EPHA3: variants seen among roughly 807,000 people sequenced by gnomAD.
The protein encoded by EPHA3 is EPH receptor A3.
EPHA3 carries 42 observed loss-of-function variants against 107.1 expected under a neutral mutation model. The ratio of observed to expected loss-of-function variants is 0.39; its 90% CI spans 0.31 to 0.51. EPHA3 has a LOEUF of 0.51. Among genes scored for constraint, EPHA3 ranks in the 20% least tolerant of loss-of-function variants. The pLI is 0.78. For synonymous variants in EPHA3, 461 were observed against 424.8 expected (o/e 1.09, Z -1.05); for missense variants, 1,183 against 1,211.2 (o/e 0.98, Z 0.35).
chr3:89,420,087 T>C (rs1709327367), intron 11 of EPHA3, among the ~76,000 whole-genome samples: 1 of 151,424 alleles, frequency 6.6e-6, no homozygotes, highest in African/African-American at 2.4e-5. Context: ...CCAATCCCTA[T>C]ATAAGTCTCT....
intron 11 of EPHA3, among the ~76,000 whole-genome samples, chr3:89,427,532 A>G (rs1257425061): frequency 4.6e-5 from 7 of 151,906 alleles, no homozygotes; most frequent in Non-Finnish European, 7.4e-5. Flanking sequence ...TACTCAACTC[A>G]CGTCTTCTGG....
chr3:89,150,997 A>G (rs894079290), intron 2 of EPHA3, among the ~76,000 whole-genome samples: 3 of 152,036 alleles, frequency 2.0e-5, no homozygotes, highest in African/African-American at 4.8e-5. Context: ...GACAATACAG[A>G]CAAGTTCTAA....
Position 89,419,382 on chromosome 3 carries a change from T to C in EPHA3, c.2066T>C (p.Val689Ala), listed in dbSNP as rs139451236. Residue 689 changes from valine to alanine, a missense_variant, in exon 11 of 17, where the codon GTT becomes GCT. Coordinates refer to ENST00000336596, the MANE Select transcript of EPHA3 (RefSeq NM_005233.6). ...HPNIIRLEGV[V>A]TKSKPVMIVT... ...AATATCATTCGACTGGAAGGAGTTG[T>C]TACCAAAAGTAAGTAAAGTAGTCAT... The C allele has an allele frequency of 6.3e-7, 1 of 1,587,860 alleles. No individual in the cohort carries two copies. Among genetic ancestry groups the C allele is most frequent in the Non-Finnish European group, 8.6e-7 (1 of 1,168,232 alleles).
At chr3:89,280,565 G>A (rs554334680) in intron 3 of EPHA3, among the ~76,000 whole-genome samples, 6 of 152,246 alleles carry the variant, frequency 3.9e-5, no homozygotes, top group Non-Finnish European at 8.8e-5. Flanking sequence ...AGAGAGTCAC[G>A]TGTGGTATAA....
At chr3:89,271,588 C>T (rs1339842772) in intron 3 of EPHA3, among the ~76,000 whole-genome samples, 5 of 151,722 alleles carry the variant, frequency 3.3e-5, no homozygotes, top group South Asian at 2.1e-4. Context: ...TAAAACAAAA[C>T]GTATACTGTT....
intron 3 of EPHA3, among the ~76,000 whole-genome samples, chr3:89,241,922 G>A (rs1704905526): frequency 6.6e-6 from 1 of 152,044 alleles, no homozygotes; most frequent in Admixed American, 6.5e-5. Context: ...GGATCATCAA[G>A]CAGATTTATA....
At chr3:89,451,917 G>A (rs1272787341) in intron 15 of EPHA3, among the ~76,000 whole-genome samples, 3 of 151,800 alleles carry the variant, frequency 2.0e-5, no homozygotes, top group Admixed American at 6.6e-5. Context: ...TTGTGTGTGT[G>A]TGTGTTGGTG....
intron 5 of EPHA3, among the ~76,000 whole-genome samples, chr3:89,354,833 C>A (rs1467240569): frequency 1.3e-5 from 2 of 151,150 alleles, no homozygotes; most frequent in Non-Finnish European, 3.0e-5. Context: ...CCCCTATCTA[C>A]ATATTCTTTT....
chr3:89,378,852 G>A (rs1360810675), intron 5 of EPHA3, among the ~76,000 whole-genome samples: 4 of 135,516 alleles, frequency 3.0e-5, no homozygotes, highest in African/African-American at 7.3e-5. Context: ...TTGTAAAGGC[G>A]TGTATAAACA....
In EPHA3 at chr3:89,395,856, G is replaced by C. The variant is rs552354794; in HGVS notation, c.1326G>C (p.Thr442=). Reference sequence around the variant, plus strand: ...TTACAGCTCCATCACCTGTCCTGACGATTAAGAAAGATCGGACCTCCAGAA... The same window carrying C: ...TTACAGCTCCATCACCTGTCCTGACCATTAAGAAAGATCGGACCTCCAGAA... ...TNQAAPSPVL[T]IKKDRTSRNS... is the part of the protein sequence containing the mutation. The change falls in exon 6 of 17, where the codon ACG becomes ACC. Residue 442 remains threonine, a synonymous_variant. Transcript: ENST00000336596. 6.2e-7 allele frequency: 1 copy of C among 1,613,888 alleles called. No individual in the cohort carries two copies. The highest frequency in any genetic ancestry group is 1.3e-5 in the African/African-American group (1 of 74,962).
rs777594222 is a variant in EPHA3, at chr3:89,479,392, TAC to T, written c.2847-3_2847-2del. 6 of 1,611,774 alleles carry T rather than the reference TAC, an allele frequency of 3.7e-6. No individual in the cohort carries two copies. The South Asian group carries it at 6.6e-5, about 18-fold the overall frequency. On this transcript the variant is annotated splice_region_variant and splice_polypyrimidine_tract_variant and intron_variant, in intron 16 of 16. Coordinates refer to ENST00000336596, the MANE Select transcript of EPHA3 (RefSeq NM_005233.6). The stretch of plus-strand genomic sequence containing the variant: ...CGATTCTTATATTGTTTTCTTTTTT[TAC>T]AGTGACATGAAAAAGGTTGGTGTCA...
At chr3:89,322,615 G>A (rs2107382421) in intron 3 of EPHA3, among the ~76,000 whole-genome samples, 1 of 152,200 alleles carries the variant, frequency 6.6e-6, no homozygotes, top group South Asian at 2.1e-4. Context: ...AGTGCATGTG[G>A]CAGCCTAAGA....
At chr3:89,195,733 T>C (rs1416646644) in intron 2 of EPHA3, among the ~76,000 whole-genome samples, 1 of 152,144 alleles carries the variant, frequency 6.6e-6, no homozygotes, top group East Asian at 1.9e-4. Context: ...CAAGTCCTCA[T>C]TACCTGTCCC....
chr3:89,290,043 T>C (rs1278558556), intron 3 of EPHA3, among the ~76,000 whole-genome samples: 4 of 152,108 alleles, frequency 2.6e-5, no homozygotes, highest in African/African-American at 7.2e-5. Flanking sequence ...ACCTGTGTTT[T>C]ATCAAAGATA....
At chr3:89,218,748 A>G (rs1421850905) in intron 3 of EPHA3, among the ~76,000 whole-genome samples, 2 of 152,356 alleles carry the variant, frequency 1.3e-5, no homozygotes, top group East Asian at 3.9e-4. Context: ...ATCATTGGCC[A>G]TCAGAGAAAT....
chr3:89,339,061 C>T (rs534019243), intron 3 of EPHA3, among the ~76,000 whole-genome samples: 37 of 152,250 alleles, frequency 2.4e-4, no homozygotes, highest in Middle Eastern at 3.4e-3. Flanking sequence ...TACGTAGGCA[C>T]ATATACATAC....
At chr3:89,163,884 T>C (rs1238272044) in intron 2 of EPHA3, among the ~76,000 whole-genome samples, 1 of 152,178 alleles carries the variant, frequency 6.6e-6, no homozygotes, top group African/African-American at 2.4e-5. Flanking sequence ...TCAATAAAAC[T>C]GGTCTGGTGG....
chr3:89,192,167 G>A (rs559845662), intron 2 of EPHA3, among the ~76,000 whole-genome samples: 17 of 152,224 alleles, frequency 1.1e-4, no homozygotes, highest in African/African-American at 2.4e-4. Context: ...AAAACATGTA[G>A]TGCGTGATTA....
At chr3:89,213,467 G>T (rs1458354580) in intron 3 of EPHA3, among the ~76,000 whole-genome samples, 2 of 151,878 alleles carry the variant, frequency 1.3e-5, no homozygotes, top group Admixed American at 1.3e-4. Flanking sequence ...TGCAAATAAA[G>T]ATGTTAATTT....
Sources: gnomAD v4.1 joint callset for allele counts (sites outside exome capture counted in the v4.1 genomes callset) on GRCh38, gnomAD v4.1.1 for gene constraint, MANE v1.5 for transcripts, NCBI Gene and HGNC (gene_info 2026-07-23, HGNC 2026-07-21) for gene names.